MTHFSD: variants seen among roughly 807,000 people sequenced by gnomAD.
MTHFSD encodes the protein methenyltetrahydrofolate synthase domain-containing protein.
In MTHFSD, 37 loss-of-function variants were observed where a neutral mutation model predicts 31.1. The observed-to-expected ratio is 1.19, with a 90% CI of 0.91 to 1.56. The LOEUF is 1.56. Ranked by LOEUF, MTHFSD falls within the 40% of genes most tolerant of loss-of-function variation. The probability of loss-of-function intolerance (pLI) is 0.00; values close to 1 mark genes in which losing one functional copy is unlikely to be tolerated. For missense variants in MTHFSD, 664 were observed against 510.1 expected, an observed-to-expected ratio of 1.30 and a Z score of -2.91; for synonymous variants, 221 against 206.9, an observed-to-expected ratio of 1.07 and a Z score of -0.59.
chr16:86,532,671 A>T, intron 7 of MTHFSD, 190 bp from the exon 8 acceptor site: 1 of 412,040 alleles, frequency 2.4e-6, no homozygotes, highest in Non-Finnish European at 4.2e-6. Flanking sequence ...ACCAGTCTGT[A>T]GCTCTGCCCC....
At chr16:86,552,795 G>A (rs1252003275) in intron 2 of MTHFSD, among the ~76,000 whole-genome samples, 3 of 152,192 alleles carry the variant, frequency 2.0e-5, no homozygotes, top group Admixed American at 6.5e-5. Context: ...CACCTCAGCT[G>A]AGGACCAGGG....
intron 7 of MTHFSD, among the ~76,000 whole-genome samples, chr16:86,538,758 T>C (rs975370448): frequency 4.8e-4 from 73 of 152,186 alleles, no homozygotes; most frequent in Non-Finnish European, 1.9e-4. Context: ...CCCAGGTCTC[T>C]GGTACCATCT....
intron 7 of MTHFSD, among the ~76,000 whole-genome samples, chr16:86,536,860 C>G (rs1323211065): frequency 6.6e-6 from 1 of 152,246 alleles, no homozygotes; most frequent in African/African-American, 2.4e-5. Flanking sequence ...CTTGGGGTTT[C>G]AGCCCTCGGA....
intron 2 of MTHFSD, among the ~76,000 whole-genome samples, chr16:86,553,989 C>T (rs547842192): frequency 5.3e-5 from 8 of 152,292 alleles, no homozygotes; most frequent in East Asian, 1.9e-4. Context: ...GGATTGTAAA[C>T]GCACCAATCA....
intron 7 of MTHFSD, among the ~76,000 whole-genome samples, chr16:86,540,490 G>A (rs901826487): frequency 6.6e-6 from 1 of 152,210 alleles, no homozygotes; most frequent in South Asian, 2.1e-4. Context: ...AGAGGAGGCT[G>A]TCCAGGCTCC....
chr16:86,546,456 G>A (rs372787920), intron 5 of MTHFSD, 103 bp downstream of exon 5: 13 of 1,008,018 alleles, frequency 1.3e-5, no homozygotes, highest in African/African-American at 1.1e-4. Context: ...AGCGCATCCA[G>A]AAAGCAGACA....
At chr16:86,548,059 A>G (rs1972587255) in intron 4 of MTHFSD, 2 of 1,290,304 alleles carry the variant, frequency 1.6e-6, no homozygotes, top group South Asian at 1.2e-5. Context: ...GCAATTTCCA[A>G]TGGAGCATGT....
At chr16:86,540,502 C>G (rs1050915710) in intron 7 of MTHFSD, among the ~76,000 whole-genome samples, 1 of 152,198 alleles carries the variant, frequency 6.6e-6, no homozygotes, top group Non-Finnish European at 1.5e-5. Flanking sequence ...CCAGGCTCCC[C>G]CTAATACGGC....
intron 7 of MTHFSD, chr16:86,541,487 G>GT: frequency 1.4e-6 from 1 of 726,124 alleles, no homozygotes; most frequent in Admixed American, 2.9e-5. Context: ...AAACCTAGCT[G>GT]CTTTTTCGAA....
chr16:86,536,347 C>A (rs1379567344), intron 7 of MTHFSD, among the ~76,000 whole-genome samples: 1 of 152,238 alleles, frequency 6.6e-6, no homozygotes, highest in Non-Finnish European at 1.5e-5. Context: ...ACCGTGCTGC[C>A]TTCCGTAAAC....
intron 7 of MTHFSD, among the ~76,000 whole-genome samples, chr16:86,534,712 G>C (rs1448264714): frequency 6.6e-6 from 1 of 152,192 alleles, no homozygotes; most frequent in Non-Finnish European, 1.5e-5. Flanking sequence ...GACAGAAAAA[G>C]TGTGGCTATG....
Position 86,542,018 on chromosome 16 carries a change from A to G in MTHFSD, c.555+83T>C. 1.4e-6 allele frequency: 2 copies of G among 1,402,744 alleles called. No homozygotes were observed. The highest frequency in any genetic ancestry group is 1.8e-5 in the Admixed American group (1 of 56,500). 86.9% of individuals were successfully genotyped at this position (1,402,744 alleles called of 1,614,324 possible). A position where few individuals can be genotyped will look rare whatever the true frequency, so the allele number is the denominator to read the frequency against. On this transcript the variant is annotated intron_variant, in intron 6 of 7. Transcript: ENST00000360900. This position sits in a 1 kb window ranked among gnomAD's most constrained non-coding sequence, Gnocchi z 4.6. ...CCACTCGCCACACAGCATGGTTCAG[A>G]AGCAGATGAGTCTCCTTCCCCACCC...
intron 2 of MTHFSD, 85 bp downstream of exon 2, chr16:86,554,560 A>G (rs1973776465): frequency 8.6e-6 from 9 of 1,046,242 alleles, no homozygotes; most frequent in Middle Eastern, 4.7e-4. Flanking sequence ...ATCCACCATG[A>G]CGCAGTAAGA....
At chr16:86,544,340 C>A (rs1169296340) in intron 5 of MTHFSD, among the ~76,000 whole-genome samples, 1 of 152,038 alleles carries the variant, frequency 6.6e-6, no homozygotes, top group Non-Finnish European at 1.5e-5. Context: ...TGACAAAGGT[C>A]TAATATCCAG....
intron 7 of MTHFSD, chr16:86,540,910 G>A (rs149755678): frequency 1.2e-4 from 132 of 1,131,990 alleles, no homozygotes; most frequent in Non-Finnish European, 1.4e-4. Context: ...GGAAAGTCCC[G>A]GCTGGGCTGT....
chr16:86,548,388 A>G, intron 4 of MTHFSD, 76 bp downstream of exon 4: 1 of 1,158,416 alleles, frequency 8.6e-7, no homozygotes, highest in Non-Finnish European at 1.3e-6. Context: ...GTGTGCTGCT[A>G]TCTTATGCTA....
rs555625882 is a variant in MTHFSD at position 86,535,915 on chromosome 16, C to A, written c.682-3434G>T. 7.6e-4 allele frequency among the ~76,000 whole-genome samples: 115 copies of A among 152,204 alleles called. 1 individual carries two copies. In the South Asian group the frequency reaches 0.023, roughly 31 times the overall value. ...CCCAGGCTGGAGTACAGTGGCACAACTCATAGCTCACTGCAGCCTTGAATA... is the reference window on the plus strand; with the variant it reads ...CCCAGGCTGGAGTACAGTGGCACAAATCATAGCTCACTGCAGCCTTGAATA... On this transcript the variant is annotated intron_variant, in intron 7 of 7. Coordinates refer to ENST00000360900, the MANE Select transcript of MTHFSD (RefSeq NM_001159377.2).
intron 2 of MTHFSD, among the ~76,000 whole-genome samples, chr16:86,553,984 G>A (rs952331960): frequency 6.6e-6 from 1 of 152,180 alleles, no homozygotes; most frequent in Non-Finnish European, 1.5e-5. Flanking sequence ...CTCAGGGATT[G>A]TAAACGCACC....
At chr16:86,539,678 G>A (rs1489441131) in intron 7 of MTHFSD, among the ~76,000 whole-genome samples, 3 of 152,148 alleles carry the variant, frequency 2.0e-5, no homozygotes, top group East Asian at 1.9e-4. Context: ...AAGGAGATGC[G>A]CTGTTTACAG....
Sources: gnomAD v4.1 joint callset for allele counts (sites outside exome capture counted in the v4.1 genomes callset) on GRCh38, gnomAD v4.1.1 for gene constraint, Gnocchi (gnomAD v3.1) non-coding constraint, MANE v1.5 for transcripts, NCBI Gene and HGNC (gene_info 2026-07-23, HGNC 2026-07-21) for gene names.